The following COMMD1 variants were observed in gnomAD, a reference collection of about 807,000 sequenced individuals.
COMMD1 encodes the protein COMM domain-containing protein 1.
In COMMD1, 10 loss-of-function variants were observed where a neutral mutation model predicts 17.2. The ratio of observed to expected loss-of-function variants is 0.58; its 90% CI spans 0.36 to 0.99. The LOEUF is 0.99. COMMD1 is among the 50% of genes least tolerant of loss of function. The probability of loss-of-function intolerance (pLI) is 0.01; values close to 1 mark genes in which losing one functional copy is unlikely to be tolerated. For missense variants in COMMD1, 270 were observed against 231.8 expected, an observed-to-expected ratio of 1.17 and a Z score of -1.07; for synonymous variants, 97 against 91.6, an observed-to-expected ratio of 1.06 and a Z score of -0.34.
At chr2:61,938,958 T>C (rs1670668451) in intron 1 of COMMD1, among the ~76,000 whole-genome samples, 1 of 152,200 alleles carries the variant, frequency 6.6e-6, no homozygotes. Flanking sequence ...AGGATTATTG[T>C]AGCCAAGAAA....
chr2:61,912,331 CAT>C (rs778044464), intron 1 of COMMD1, among the ~76,000 whole-genome samples: 6 of 152,134 alleles, frequency 3.9e-5, no homozygotes, highest in Non-Finnish European at 7.3e-5. Context: ...AGAGAGAAAA[CAT>C]ATACCACTTA....
At chr2:62,019,169 T>A (rs1175603816) in intron 2 of COMMD1, among the ~76,000 whole-genome samples, 2 of 138,632 alleles carry the variant, frequency 1.4e-5, no homozygotes, top group Admixed American at 1.5e-4. Flanking sequence ...TTTCCTCCTT[T>A]CTCTTTTCTT....
At chr2:61,995,117 C>CA (rs778244068) in intron 1 of COMMD1, among the ~76,000 whole-genome samples, 1 of 151,644 alleles carries the variant, frequency 6.6e-6, no homozygotes, top group African/African-American at 2.4e-5. Flanking sequence ...TCATTAAAAA[C>CA]ATTTTTAAAA....
intron 2 of COMMD1, among the ~76,000 whole-genome samples, chr2:62,042,375 T>TC (rs1296239275): frequency 6.6e-6 from 1 of 152,204 alleles, no homozygotes; most frequent in Non-Finnish European, 1.5e-5. Flanking sequence ...AGAAAAGTTC[T>TC]CCAAGTCCCT....
rs1313249363 is a variant in COMMD1 at position 62,000,822 on chromosome 2, A to G, written c.302A>G (p.His101Arg). The part of the protein sequence containing the change: ...AAVISKFWKS[H>R]KTKIRESLMN... The stretch of plus-strand genomic sequence containing the variant: ...GTCATTTCCAAATTCTGGAAGAGCC[A>G]CAAGACAAAAATCCGTGAGAGCCTC... Residue 101 changes from histidine (H) to arginine (R), a missense_variant, in exon 2 of 3, where the codon CAC (histidine) becomes CGC (arginine). His to Arg is a conservative substitution (Grantham distance 29, BLOSUM62 0). Transcript: ENST00000311832. The G allele has an allele frequency of 1.9e-6, 3 of 1,614,056 alleles. No individual in the cohort carries two copies. The highest frequency in any genetic ancestry group is 2.5e-6 in the Non-Finnish European group (3 of 1,180,038).
chr2:62,038,328 C>T (rs1461496809), intron 2 of COMMD1, among the ~76,000 whole-genome samples: 1 of 151,770 alleles, frequency 6.6e-6, no homozygotes, highest in South Asian at 2.1e-4. Flanking sequence ...ACAAAAATAA[C>T]CAAAAAACGA....
intron 1 of COMMD1, among the ~76,000 whole-genome samples, chr2:61,893,635 G>A (rs570105024): frequency 6.6e-6 from 1 of 152,236 alleles, no homozygotes; most frequent in Admixed American, 6.5e-5. Context: ...CCAACGTGGT[G>A]AAACCCTGTC....
chr2:62,049,399 G>A (rs547693663), intron 2 of COMMD1, among the ~76,000 whole-genome samples: 5 of 152,036 alleles, frequency 3.3e-5, no homozygotes, highest in African/African-American at 9.7e-5. Flanking sequence ...ATTATCCTGG[G>A]GGTTTGGGAG....
At chr2:61,966,251 G>T (rs1671502162) in intron 1 of COMMD1, among the ~76,000 whole-genome samples, 1 of 152,074 alleles carries the variant, frequency 6.6e-6, no homozygotes, top group Non-Finnish European at 1.5e-5. Flanking sequence ...GGCCATTACA[G>T]CATTCAGTAA....
chr2:61,987,703 A>G (rs1016513544), intron 1 of COMMD1, among the ~76,000 whole-genome samples: 15 of 152,148 alleles, frequency 9.9e-5, no homozygotes, highest in African/African-American at 3.6e-4. Context: ...CTCAAGGCCT[A>G]GGACTCTACA....
chr2:62,016,774 A>G (rs1312719324), intron 2 of COMMD1, among the ~76,000 whole-genome samples: 1 of 152,144 alleles, frequency 6.6e-6, no homozygotes, highest in Non-Finnish European at 1.5e-5. Flanking sequence ...ATCCTATCCA[A>G]GAAGTCATTG....
At chr2:62,133,084 A>T (rs1419266983) in intron 2 of COMMD1, among the ~76,000 whole-genome samples, 1 of 152,226 alleles carries the variant, frequency 6.6e-6, no homozygotes, top group East Asian at 1.9e-4. Flanking sequence ...AAAGTTTCTA[A>T]GCTCACATAT....
chr2:61,987,835 A>G lies in COMMD1; in HGVS notation c.181-12866A>G, dbSNP rs59312425. Among the ~76,000 whole-genome samples, 882 of 152,266 alleles carry G rather than the reference A, an allele frequency of 5.8e-3. 10 individuals are homozygous for G. The highest frequency in any genetic ancestry group is 0.02 in the African/African-American group (839 of 41,558). ...CAGGGCCTGGTTTGTAAACCTTAGG[A>G]ATCTACCTGGTCCTCTGTTCTGCTG... On this transcript the variant is annotated intron_variant, in intron 1 of 2. Transcript: ENST00000311832.
chr2:62,015,327 A>G (rs1258555616), intron 2 of COMMD1, among the ~76,000 whole-genome samples: 6 of 152,130 alleles, frequency 3.9e-5, no homozygotes, highest in African/African-American at 1.2e-4. Flanking sequence ...TTCAACTTTT[A>G]TCGTTGTTGT....
intron 1 of COMMD1, among the ~76,000 whole-genome samples, chr2:61,906,563 C>T (rs1393819864): frequency 6.6e-6 from 1 of 152,050 alleles, no homozygotes; most frequent in African/African-American, 2.4e-5. Context: ...TTTAAGTGCT[C>T]AGTAGTCACA....
intron 1 of COMMD1, among the ~76,000 whole-genome samples, chr2:61,913,084 A>G (rs532042044): frequency 3.2e-4 from 49 of 151,664 alleles, no homozygotes; most frequent in African/African-American, 1.2e-3. Flanking sequence ...AAAAGAAAAA[A>G]GTGGCCAGGT....
intron 1 of COMMD1, among the ~76,000 whole-genome samples, chr2:61,943,800 A>G (rs948634144): frequency 3.9e-5 from 6 of 152,116 alleles, no homozygotes; most frequent in African/African-American, 7.2e-5. Context: ...CCGCCATTGC[A>G]CTCCAGCCTT....
At chr2:61,900,358 T>C (rs1156925675) in intron 1 of COMMD1, among the ~76,000 whole-genome samples, 1 of 152,226 alleles carries the variant, frequency 6.6e-6, no homozygotes, top group Non-Finnish European at 1.5e-5. Context: ...TAAGGCTCTG[T>C]CTAAAACTTG....
chr2:62,052,707 A>C (rs564028022), intron 2 of COMMD1, among the ~76,000 whole-genome samples: 1 of 152,160 alleles, frequency 6.6e-6, no homozygotes, highest in African/African-American at 2.4e-5. Flanking sequence ...GGGACAGCTA[A>C]CTAGTGGTCA....
Sources: gnomAD v4.1 joint callset for allele counts (sites outside exome capture counted in the v4.1 genomes callset) on GRCh38, gnomAD v4.1.1 for gene constraint, MANE v1.5 for transcripts, NCBI Gene and HGNC (gene_info 2026-07-23, HGNC 2026-07-21) for gene names.